Variants in CASKIN1 observed in about 807,000 individuals in gnomAD.
CASKIN1 encodes the protein caskin-1.
Under a neutral mutation model 117.5 loss-of-function variants are expected in CASKIN1, and 42 were observed. That is an observed-to-expected ratio of 0.36 (90% CI 0.28 to 0.46). The LOEUF (loss-of-function observed/expected upper bound fraction) is 0.46. CASKIN1 is among the 20% of genes least tolerant of loss of function. The probability of loss-of-function intolerance (pLI) is 1.00; values close to 1 mark genes in which losing one functional copy is unlikely to be tolerated. For synonymous variants in CASKIN1, 1,148 were observed against 961.7 expected (o/e 1.19, Z -3.59); for missense variants, 2,083 against 2,077.3 (o/e 1.00, Z -0.05).
chr16:2,188,175 C>T (rs543221414), intron 6 of CASKIN1, among the ~76,000 whole-genome samples: 60 of 151,000 alleles, frequency 4.0e-4, no homozygotes, highest in Middle Eastern at 3.4e-3. Flanking sequence ...TTTGAACCAC[C>T]GCACTCAGCT....
Position 2,180,059 on chromosome 16 carries a change from G to A in CASKIN1, c.3309C>T (p.Pro1103=), listed in dbSNP as rs747598509. ...CTTCGACACCCGCCTCGCCCTTGGA[G>A]GGACCCCGAGGCCGCTGCCGGCCAG... ...DGTGRQRPRG[P]SKGEAGVEGP... is the part of the protein sequence containing the mutation. Residue 1103 remains proline (P), a synonymous_variant, in exon 18 of 20, where the codon CCC becomes CCT. Transcript: ENST00000343516. 6 of 1,584,052 alleles carry A rather than the reference G, an allele frequency of 3.8e-6. No individual in the cohort carries two copies. The Admixed American group carries it at 8.8e-5, about 23-fold the overall frequency.
intron 6 of CASKIN1, 75 bp downstream of exon 6, chr16:2,188,952 T>C: frequency 1.9e-6 from 3 of 1,540,218 alleles, no homozygotes; most frequent in Non-Finnish European, 1.7e-6. Context: ...AGCCAGAAGC[T>C]GGTGCCCTGA....
rs1471673428 is a variant in CASKIN1, at chr16:2,196,342, C to T, written c.91G>A (p.Ala31Thr). The T allele has an allele frequency of 7.0e-6, 9 of 1,285,540 alleles. No homozygotes were observed. The highest frequency in any genetic ancestry group is 3.1e-5 in the Admixed American group (1 of 32,700). 79.6% of individuals were successfully genotyped at this position (1,285,540 alleles called of 1,614,324 possible). A position where few individuals can be genotyped will look rare whatever the true frequency, so the allele number is the denominator to read the frequency against. ...RLLQRPRPGK[A>T]KLLGSTKKIN... ...GCCCCGCGCCCCCGGCACTCACTGGCCTTCCCGGGCCGCGGCCTCTGCAGC... is the reference window on the plus strand; with the variant it reads ...GCCCCGCGCCCCCGGCACTCACTGGTCTTCCCGGGCCGCGGCCTCTGCAGC... The change falls in exon 1 of 20, where the codon GCC (alanine) becomes ACC (threonine). Residue 31 changes from alanine to threonine, a missense_variant. By Grantham distance (58) the Ala-to-Thr change is moderately conservative. Around this residue, in one of 3 missense-constraint regions of CASKIN1, gnomAD observed 62 missense variants for 49.7 expected, o/e 1.25. Coordinates refer to ENST00000343516, the MANE Select transcript of CASKIN1 (RefSeq NM_020764.4). This position sits in a 1 kb window ranked among gnomAD's most constrained non-coding sequence, Gnocchi z 5.7.
chr16:2,184,850 G>A lies in CASKIN1; in HGVS notation c.1343C>T (p.Pro448Leu), dbSNP rs565326712. 70 of 1,563,968 alleles carry A rather than the reference G, an allele frequency of 4.5e-5. No homozygotes were observed. The highest frequency in any genetic ancestry group is 5.9e-5 in the Non-Finnish European group (68 of 1,154,918). ...GACCTGCCCGGCGTGGGCCACTGGAGGCTGGGACCGGGCCACACCTGAGGA... is the reference window on the plus strand; with the variant it reads ...GACCTGCCCGGCGTGGGCCACTGGAAGCTGGGACCGGGCCACACCTGAGGA... ...EGSAGVARSQ[P>L]PVAHAGQVYG... Residue 448 changes from proline to leucine, a missense_variant, in exon 14 of 20, where the codon CCT (proline) becomes CTT (leucine). By Grantham distance (98) the Pro-to-Leu change is moderately conservative. Transcript: ENST00000343516.
In CASKIN1 at chr16:2,179,742, G is replaced by C; in HGVS notation, c.3626C>G (p.Pro1209Arg). The change falls in exon 18 of 20, where the codon CCC (proline) becomes CGC (arginine). Residue 1209 changes from proline (P) to arginine (R), a missense_variant. Around this residue, in one of 3 missense-constraint regions of CASKIN1, gnomAD observed 1,818 missense variants for 1,688.9 expected, o/e 1.08. Transcript: ENST00000343516. The surrounding 1 kb of genome is among the most constrained non-coding windows in gnomAD (Gnocchi z 5.8). ...EPPPTDLAHL[P>R]PLPPPEGEAR... ...TTCGCCCTCGGGCGGGGGCAATGGG[G>C]GTAGGTGCGCCAGGTCGGTGGGCGG... is the stretch of plus-strand genomic sequence containing the variant. 6.4e-7 allele frequency: 1 copy of C among 1,558,712 alleles called. No individual in the cohort carries two copies. The highest frequency in any genetic ancestry group is 1.2e-5 in the South Asian group (1 of 85,620).
At position 2,186,781 on chromosome 16, in the gene CASKIN1, T is replaced by G; in HGVS notation, c.974A>C (p.His325Pro). The change falls in exon 10 of 20, where the codon CAT becomes CCT. Residue 325 changes from histidine to proline, a missense_variant. His to Pro is a moderately conservative substitution (Grantham distance 77). Transcript: ENST00000343516. ...CCGGTCATTGCCCGTCCGGTTGTCA[T>G]GGATGCAGCCCTTCCACCGGCCATC... ...HPDGRWKGCI[H>P]DNRTGNDRVG... 1 of 1,613,030 alleles carries G rather than the reference T, an allele frequency of 6.2e-7. No homozygotes were observed. The highest frequency in any genetic ancestry group is 8.5e-7 in the Non-Finnish European group (1 of 1,179,968).
intron 6 of CASKIN1, 59 bp downstream of exon 6, chr16:2,188,968 A>G (rs571222264): frequency 1.6e-4 from 255 of 1,557,586 alleles, no homozygotes; most frequent in Non-Finnish European, 2.1e-4. Flanking sequence ...CCTGAGCCCC[A>G]GGCTGCTGCT....
Position 2,196,504 on chromosome 16 carries a change from G to T in CASKIN1, c.-72C>A. On this transcript the variant is annotated 5_prime_UTR_variant, in exon 1 of 20. Transcript: ENST00000343516. The surrounding 1 kb of genome is among the most constrained non-coding windows in gnomAD (Gnocchi z 5.7). Reference sequence around the variant, plus strand: ...GCGGCTCAGAGGCGGCGGCGGCCCCGCGGCACCGGCCGCCTCCCCCGCCGC... The same window carrying T: ...GCGGCTCAGAGGCGGCGGCGGCCCCTCGGCACCGGCCGCCTCCCCCGCCGC... The T allele has an allele frequency of 4.2e-6, 3 of 720,846 alleles. No individual in the cohort carries two copies. Among genetic ancestry groups the T allele is most frequent in the Non-Finnish European group, 5.1e-6 (3 of 583,274 alleles). The allele number at this position is 720,846 out of a possible 1,614,324, so 44.7% of individuals were successfully genotyped here. A position where few individuals can be genotyped will look rare whatever the true frequency, so the allele number is the denominator to read the frequency against.
At chr16:2,189,686 G>T (rs1347566467) in intron 3 of CASKIN1, 122 bp from the exon 4 acceptor site, 89 of 973,226 alleles carry the variant, frequency 9.1e-5, no homozygotes, top group Non-Finnish European at 1.2e-4. Flanking sequence ...GAGGGCGCTA[G>T]GAGCTGACTT....
At chr16:2,188,271 C>A (rs2093190794) in intron 6 of CASKIN1, among the ~76,000 whole-genome samples, 1 of 151,812 alleles carries the variant, frequency 6.6e-6, no homozygotes, top group Non-Finnish European at 1.5e-5. Flanking sequence ...ACTGCAGCCT[C>A]GACCTCCCAG....
At chr16:2,191,613 C>G (rs2093201974) in intron 1 of CASKIN1, among the ~76,000 whole-genome samples, 1 of 152,240 alleles carries the variant, frequency 6.6e-6, no homozygotes, top group Non-Finnish European at 1.5e-5. Flanking sequence ...ACCCCCAGCT[C>G]TCTCCAGCCA....
Position 2,182,291 on chromosome 16 carries a change from G to A in CASKIN1, c.1630-362C>T, listed in dbSNP as rs1320136927. Among the ~76,000 whole-genome samples the A allele has an allele frequency of 6.6e-6, 1 of 151,988 alleles. No individual in the cohort carries two copies. The highest frequency in any genetic ancestry group is 1.5e-5 in the Non-Finnish European group (1 of 67,992). ...ACGCATGGGGCCACACCTGGTACAG[G>A]AACACGCACATGATTTGCACGCTGC... On this transcript the variant is annotated intron_variant, in intron 16 of 19. Coordinates refer to ENST00000343516, the MANE Select transcript of CASKIN1 (RefSeq NM_020764.4). This position sits in a 1 kb window ranked among gnomAD's most constrained non-coding sequence, Gnocchi z 4.1.
At chr16:2,184,922 G>A (rs537739478) in intron 13 of CASKIN1, 29 bp downstream of exon 13, 17 of 1,581,832 alleles carry the variant, frequency 1.1e-5, no homozygotes, top group South Asian at 3.4e-5. Context: ...TTCCTCCATC[G>A]GGCTGCGTGG....
At chr16:2,193,062 G>A (rs143072531) in intron 1 of CASKIN1, among the ~76,000 whole-genome samples, 2,377 of 152,214 alleles carry the variant, frequency 0.016, 60 homozygotes, top group African/African-American at 0.052. Context: ...TTGTTGCCCA[G>A]GCTGGAGTGC....
In CASKIN1 at chr16:2,190,164, C is replaced by T. The variant is rs760495484; in HGVS notation, c.153G>A (p.Ser51=). The change falls in exon 3 of 20, where the codon TCG becomes TCA. Residue 51 remains serine (S), a synonymous_variant. Coordinates refer to ENST00000343516, the MANE Select transcript of CASKIN1 (RefSeq NM_020764.4). ...NVNFQDPDGF[S]ALHHAALNGN... is the part of the protein sequence containing the mutation. ...CGTTCAGGGCCGCATGGTGCAGAGC[C>T]GAGAAGCTGGCACGTGCAGAGGACA... is the stretch of plus-strand genomic sequence containing the variant. The T allele has an allele frequency of 6.2e-6, 10 of 1,612,854 alleles. No homozygotes were observed. Among genetic ancestry groups the T allele is most frequent in the Admixed American group, 1.7e-5 (1 of 59,994 alleles).
chr16:2,179,440 C>G lies in CASKIN1; in HGVS notation c.3776-115G>C. 1 of 1,357,606 alleles carries G rather than the reference C, an allele frequency of 7.4e-7. No homozygotes were observed. The highest frequency in any genetic ancestry group is 9.4e-7 in the Non-Finnish European group (1 of 1,060,742). 84.1% of individuals were successfully genotyped at this position (1,357,606 alleles called of 1,614,324 possible). On this transcript the variant is annotated intron_variant, in intron 18 of 19. Transcript: ENST00000343516. The surrounding 1 kb of genome is among the most constrained non-coding windows in gnomAD (Gnocchi z 5.8). ...ACCGGGAAAGACCCTGCTCACCTTG[C>G]CCCCAGCCCTGGATGGATGAGAGGG...
chr16:2,194,495 TG>T (rs1259589643), intron 1 of CASKIN1, among the ~76,000 whole-genome samples: 1 of 152,138 alleles, frequency 6.6e-6, no homozygotes, highest in Admixed American at 6.5e-5. Flanking sequence ...GCAAAGCTCA[TG>T]GGGACAGCCC....
Position 2,189,167 on chromosome 16 carries a change from G to A in CASKIN1, c.487-10C>T, listed in dbSNP as rs1193879030. 6.8e-6 allele frequency: 11 copies of A among 1,612,594 alleles called. No homozygotes were observed. The highest frequency in any genetic ancestry group is 1.3e-5 in the African/African-American group (1 of 75,026). On this transcript the variant is annotated splice_polypyrimidine_tract_variant and intron_variant, in intron 5 of 19. Transcript: ENST00000343516. ...GGAGCAGCTGGACCACCTTGAAGGAGGGGTCAGGGTAGGGGGGTCCTGATG... is the reference window on the plus strand; with the variant it reads ...GGAGCAGCTGGACCACCTTGAAGGAAGGGTCAGGGTAGGGGGGTCCTGATG...
In CASKIN1 at chr16:2,178,494, T is replaced by TA. The variant is rs1381042460; in HGVS notation, c.*55dup. On this transcript the variant is annotated 3_prime_UTR_variant, in exon 20 of 20. Transcript: ENST00000343516. The stretch of plus-strand genomic sequence containing the variant: ...GCCCAGACGCGCCCATCCTGAGGTA[T>TA]AGGTCAGTGTGCGGGGAGGGCCCGG... The TA allele has an allele frequency of 2.2e-6, 3 of 1,385,514 alleles. No individual in the cohort carries two copies. In the African/African-American group the frequency reaches 4.6e-5, roughly 21 times the overall value. 85.8% of individuals were successfully genotyped at this position (1,385,514 alleles called of 1,614,324 possible).
Sources: gnomAD v4.1 joint callset for allele counts (sites outside exome capture counted in the v4.1 genomes callset) on GRCh38, gnomAD v4.1.1 for gene constraint, gnomAD v4.1.1 regional missense constraint, Gnocchi (gnomAD v3.1) non-coding constraint, MANE v1.5 for transcripts, NCBI Gene and HGNC (gene_info 2026-07-23, HGNC 2026-07-21) for gene names.